Variants in DOCK10 observed in about 807,000 individuals in gnomAD.
The protein encoded by DOCK10 is dedicator of cytokinesis 10.
In DOCK10, 145 loss-of-function variants were observed where a neutral mutation model predicts 280.1. That is an observed-to-expected ratio of 0.52 (90% CI 0.45 to 0.59). The LOEUF (loss-of-function observed/expected upper bound fraction) is 0.59. Among genes scored for constraint, DOCK10 ranks in the 20% least tolerant of loss-of-function variants. The pLI is 0.00. For synonymous variants in DOCK10, 915 were observed against 942.2 expected (o/e 0.97, Z 0.53); for missense variants, 2,368 against 2,651.7 (o/e 0.89, Z 2.35).
At chr2:224,810,082 A>C (rs2125245937) in intron 31 of DOCK10, among the ~76,000 whole-genome samples, 1 of 152,236 alleles carries the variant, frequency 6.6e-6, no homozygotes, top group East Asian at 1.9e-4. Flanking sequence ...CAAACACAGA[A>C]GGACAAATAC....
intron 1 of DOCK10, among the ~76,000 whole-genome samples, chr2:224,940,018 G>A (rs954425963): frequency 6.6e-6 from 1 of 152,146 alleles, no homozygotes; most frequent in Non-Finnish European, 1.5e-5. Flanking sequence ...CCCATAAGAA[G>A]CAGCCTTGGT....
intron 1 of DOCK10, among the ~76,000 whole-genome samples, chr2:224,986,161 C>T (rs1394688978): frequency 6.6e-6 from 1 of 152,176 alleles, no homozygotes; most frequent in Non-Finnish European, 1.5e-5. Flanking sequence ...TTCTGCTATC[C>T]TCTATAAGGC....
At chr2:224,829,478 C>T (rs970466927) in intron 27 of DOCK10, among the ~76,000 whole-genome samples, 3 of 152,188 alleles carry the variant, frequency 2.0e-5, no homozygotes, top group Non-Finnish European at 4.4e-5. Flanking sequence ...CCAACCCCAC[C>T]TCATGCAGCA....
At chr2:224,961,793 C>T (rs565321263) in intron 1 of DOCK10, among the ~76,000 whole-genome samples, 1 of 152,228 alleles carries the variant, frequency 6.6e-6, no homozygotes, top group African/African-American at 2.4e-5. Flanking sequence ...GTGTGAGCCA[C>T]CACGCCTGGC....
At chr2:224,891,003 T>C (rs1448196012) in intron 4 of DOCK10, among the ~76,000 whole-genome samples, 1 of 152,190 alleles carries the variant, frequency 6.6e-6, no homozygotes, top group African/African-American at 2.4e-5. Context: ...AGGCAGTGTG[T>C]CAATGTTTTA....
intron 27 of DOCK10, among the ~76,000 whole-genome samples, chr2:224,825,864 A>G (rs912966042): frequency 1.3e-5 from 2 of 152,230 alleles, no homozygotes; most frequent in Admixed American, 1.3e-4. Context: ...GAGCTGGACC[A>G]TGATGAATCT....
At chr2:225,017,566 C>G (rs1361066780) in intron 1 of DOCK10, among the ~76,000 whole-genome samples, 2 of 152,024 alleles carry the variant, frequency 1.3e-5, no homozygotes, top group East Asian at 3.9e-4. Context: ...TTTCAACATA[C>G]ATCCTTCTCC....
intron 31 of DOCK10, among the ~76,000 whole-genome samples, chr2:224,812,800 C>T (rs1003880120): frequency 2.0e-5 from 3 of 152,086 alleles, no homozygotes; most frequent in Non-Finnish European, 4.4e-5. Context: ...TATTGATTTG[C>T]GTATGTTGAA....
intron 1 of DOCK10, among the ~76,000 whole-genome samples, chr2:225,023,619 G>A (rs956170035): frequency 1.3e-5 from 2 of 152,136 alleles, no homozygotes; most frequent in Non-Finnish European, 2.9e-5. Context: ...GTGGAAAGTG[G>A]TATAGTCTCT....
At position 224,778,195 on chromosome 2, in the gene DOCK10, C is replaced by G; in HGVS notation, c.5745G>C (p.Lys1915Asn). ...CTGCTCCAAATTTATCTGCATAGAG[C>G]TTGAGTAATCTTTGGGAAATCTCGG... ...GLSEISQRLL[K>N]LYADKFGADN... The change falls in exon 51 of 56, where the codon AAG (lysine) becomes AAC (asparagine). Residue 1915 changes from lysine to asparagine, a missense_variant. Lys to Asn is a moderately conservative substitution (Grantham distance 94). This residue lies in a region of DOCK10 where 1,159 missense variants were observed against 1,400.8 expected (regional missense o/e 0.83). Transcript: ENST00000258390. 1.9e-6 allele frequency: 3 copies of G among 1,613,206 alleles called. No individual in the cohort carries two copies. The highest frequency in any genetic ancestry group is 2.5e-6 in the Non-Finnish European group (3 of 1,179,430).
intron 11 of DOCK10, among the ~76,000 whole-genome samples, 200 bp downstream of exon 11, chr2:224,873,796 A>C (rs963931048): frequency 5.3e-5 from 8 of 152,120 alleles, no homozygotes; most frequent in African/African-American, 1.7e-4. Context: ...ATTAGGCTTT[A>C]TTCATACAGT....
intron 53 of DOCK10, among the ~76,000 whole-genome samples, chr2:224,771,986 T>C (rs1035740350): frequency 3.3e-5 from 5 of 151,864 alleles, no homozygotes; most frequent in Non-Finnish European, 5.9e-5. Flanking sequence ...AATGGCATGA[T>C]CTCAGCTCAC....
intron 4 of DOCK10, among the ~76,000 whole-genome samples, chr2:224,896,020 A>G (rs1056582277): frequency 6.6e-6 from 1 of 152,140 alleles, no homozygotes; most frequent in Non-Finnish European, 1.5e-5. Context: ...TATTGAAAAA[A>G]CAGCTCACAG....
chr2:224,782,346 G>A (rs114695590), intron 50 of DOCK10, among the ~76,000 whole-genome samples: 1,548 of 152,236 alleles, frequency 0.01, 23 homozygotes, highest in African/African-American at 0.035. Flanking sequence ...AATTCTTCCA[G>A]GTCTTTTACT....
Position 224,793,469 on chromosome 2 carries a change from A to G in DOCK10, c.5155-12T>C, listed in dbSNP as rs752334448. 2 of 1,610,560 alleles carry G rather than the reference A, an allele frequency of 1.2e-6. No individual in the cohort carries two copies. The highest frequency in any genetic ancestry group is 3.3e-5 in the Admixed American group (2 of 59,836). ...TAACACATGGCAGCCTGTAATGAGAAAGAAAATAAAGAGGCTCAGGGGATG... is the reference window on the plus strand; with the variant it reads ...TAACACATGGCAGCCTGTAATGAGAGAGAAAATAAAGAGGCTCAGGGGATG... On this transcript the variant is annotated splice_polypyrimidine_tract_variant and intron_variant, in intron 45 of 55. Coordinates refer to ENST00000258390, the MANE Select transcript of DOCK10 (RefSeq NM_014689.3).
intron 27 of DOCK10, among the ~76,000 whole-genome samples, chr2:224,829,439 G>A (rs1165296263): frequency 6.6e-6 from 1 of 152,154 alleles, no homozygotes; most frequent in South Asian, 2.1e-4. Flanking sequence ...CACCAAAAGA[G>A]TAAATCAAAA....
intron 1 of DOCK10, among the ~76,000 whole-genome samples, chr2:225,037,510 G>A (rs879833627): frequency 2.0e-4 from 30 of 152,260 alleles, no homozygotes; most frequent in Non-Finnish European, 3.7e-4. Flanking sequence ...TAAAAAACTG[G>A]AAGGTAACCC....
rs1692625608 is a variant in DOCK10, at chr2:224,796,993, G to A, written c.4798C>T (p.Gln1600Ter). ...AAGTGGGACCGGACAATTGACTTCT[G>A]CTTGTTAAATTCAAAATTCTTCCTC... Reference protein sequence around the residue: ...FMRKNFEFNKQKSIVRSHLQL... With the variant: ...FMRKNFEFNK The change falls in exon 43 of 56, where the codon CAG (glutamine) becomes TAG (stop). Residue 1600 changes from glutamine (Q) to a stop codon, truncating the protein, a stop_gained. Transcript: ENST00000258390. LOFTEE classifies it high-confidence loss of function. The A allele has an allele frequency of 6.2e-7, 1 of 1,613,058 alleles. No homozygotes were observed. Among genetic ancestry groups the A allele is most frequent in the African/African-American group, 1.3e-5 (1 of 74,838 alleles).
intron 2 of DOCK10, among the ~76,000 whole-genome samples, chr2:224,919,530 G>A (rs1162686350): frequency 1.3e-5 from 2 of 151,098 alleles, no homozygotes. Context: ...AATGTGTGTG[G>A]TGTGTCTGGT....
Sources: allele counts gnomAD v4.1 joint callset (sites outside exome capture counted in the v4.1 genomes callset), GRCh38; gene constraint gnomAD v4.1.1; regional missense constraint gnomAD v4.1.1; transcripts MANE v1.5; gene names NCBI Gene and HGNC (gene_info 2026-07-23, HGNC 2026-07-21).